The following ITPR2 variants were observed in gnomAD, a reference collection of about 807,000 sequenced individuals.
ITPR2 encodes inositol 1,4,5-trisphosphate-gated calcium channel ITPR2.
Under a neutral mutation model 317.1 loss-of-function variants are expected in ITPR2, and 207 were observed. That is an observed-to-expected ratio of 0.65 (90% CI 0.58 to 0.73). The LOEUF (loss-of-function observed/expected upper bound fraction) is 0.73, where lower values mean the gene tolerates loss of function less well. Ranked by LOEUF, ITPR2 falls within the 30% of genes least tolerant of loss-of-function variation. The pLI is 0.00. For missense variants in ITPR2, 2,613 were observed against 3,284.0 expected (o/e 0.80, Z 4.99); for synonymous variants, 1,156 against 1,149.1 (o/e 1.01, Z -0.12).
chr12:26,661,598 G>A (rs1231335149), intron 15 of ITPR2, among the ~76,000 whole-genome samples: 1 of 152,300 alleles, frequency 6.6e-6, no homozygotes, highest in Non-Finnish European at 1.5e-5. Flanking sequence ...CATGGGACCT[G>A]ATGGGCCTGA....
chr12:26,769,683 T>C (rs12814680), intron 2 of ITPR2, among the ~76,000 whole-genome samples: 1 of 152,056 alleles, frequency 6.6e-6, no homozygotes, highest in African/African-American at 2.4e-5. Context: ...TAATAAATAT[T>C]TATATAATAC....
chr12:26,465,561 G>A (rs1168685684), intron 45 of ITPR2, among the ~76,000 whole-genome samples: 1 of 152,052 alleles, frequency 6.6e-6, no homozygotes, highest in Non-Finnish European at 1.5e-5. Context: ...ATGATCAAAC[G>A]AGGGAGAACA....
At chr12:26,400,042 A>G in intron 53 of ITPR2, 86 bp downstream of exon 53, 2 of 1,399,088 alleles carry the variant, frequency 1.4e-6, no homozygotes, top group Admixed American at 4.6e-5. Flanking sequence ...TATTTTCCTG[A>G]AAACCAAAAC....
chr12:26,812,761 T>C (rs915792962), intron 1 of ITPR2, among the ~76,000 whole-genome samples: 1 of 152,250 alleles, frequency 6.6e-6, no homozygotes, highest in Non-Finnish European at 1.5e-5. Context: ...ATTCAGACGT[T>C]AAATGATGTT....
At position 26,338,877 on chromosome 12, in the gene ITPR2, T is replaced by C. The variant is rs1426459272; in HGVS notation, c.*520A>G. ...AGAAATTGCCCTGTGACAGCTACAG[T>C]TTGGAAGCATTATCATTTCTCTTTT... On this transcript the variant is annotated 3_prime_UTR_variant, in exon 57 of 57. Coordinates refer to ENST00000381340, the MANE Select transcript of ITPR2 (RefSeq NM_002223.4). The C allele has an allele frequency of 1.3e-5, 2 of 152,606 alleles. No homozygotes were observed. Among genetic ancestry groups the C allele is most frequent in the African/African-American group, 4.8e-5 (2 of 41,456 alleles). The allele number at this position is 152,606 out of a possible 1,614,324, so 9.5% of individuals were successfully genotyped here.
intron 55 of ITPR2, among the ~76,000 whole-genome samples, chr12:26,364,472 G>A (rs1165760075): frequency 6.6e-6 from 1 of 152,142 alleles, no homozygotes; most frequent in Admixed American, 6.5e-5. Context: ...TGTTTCCCAA[G>A]GTCACAGAGC....
chr12:26,738,507 C>T (rs1949169553), intron 2 of ITPR2, among the ~76,000 whole-genome samples: 1 of 152,066 alleles, frequency 6.6e-6, no homozygotes, highest in Non-Finnish European at 1.5e-5. Context: ...TCCTTTCCTA[C>T]CTATTCTTTT....
In ITPR2 at chr12:26,618,879, A is replaced by G. The variant is rs147031113; in HGVS notation, c.3462+2244T>C. 2.3e-3 allele frequency among the ~76,000 whole-genome samples: 347 copies of G among 152,346 alleles called. 1 individual carries two copies. The highest frequency in any genetic ancestry group is 8.0e-3 in the African/African-American group (334 of 41,574). ...GGATGAACAATGAAAACATGTACAA[A>G]ATAGGCTAAATAAATATACCTCATA... On this transcript the variant is annotated intron_variant, in intron 26 of 56. Transcript: ENST00000381340.
intron 46 of ITPR2, among the ~76,000 whole-genome samples, chr12:26,440,388 C>T (rs1055419016): frequency 6.6e-6 from 1 of 152,158 alleles, no homozygotes; most frequent in Non-Finnish European, 1.5e-5. Flanking sequence ...GAGATAGTGT[C>T]AGCATGATAA....
In ITPR2 at chr12:26,409,587, T is replaced by C. The variant is rs572894815; in HGVS notation, c.7399+1733A>G. Among the ~76,000 whole-genome samples, 22 of 152,220 alleles carry C rather than the reference T, an allele frequency of 1.4e-4. No individual in the cohort carries two copies. In the Middle Eastern group the frequency reaches 0.01, roughly 71 times the overall value. ...ATCTTAGGCTTACATACAGTTTCCA[T>C]CACATGTTTTTCTTGAAAAAAAAAA... is the stretch of plus-strand genomic sequence containing the variant. On this transcript the variant is annotated intron_variant, in intron 52 of 56. Transcript: ENST00000381340.
At chr12:26,530,368 G>T (rs952533304) in intron 37 of ITPR2, among the ~76,000 whole-genome samples, 4 of 152,202 alleles carry the variant, frequency 2.6e-5, no homozygotes, top group Non-Finnish European at 2.9e-5. Flanking sequence ...ACTCTCTTGT[G>T]TCTGTGTCTG....
At chr12:26,751,892 C>T (rs895559433) in intron 2 of ITPR2, among the ~76,000 whole-genome samples, 2 of 151,678 alleles carry the variant, frequency 1.3e-5, no homozygotes, top group Non-Finnish European at 1.5e-5. Flanking sequence ...GTTTTACAGG[C>T]CCTAAAACCC....
chr12:26,461,466 CT>C lies in ITPR2; in HGVS notation c.6342+13829del, dbSNP rs1358693164. ...CATATTGTCTATGGCTGTTTTTTCT[CT>C]AGAATGGCAGAGTTGAGTATCTGCA... On this transcript the variant is annotated intron_variant, in intron 45 of 56. Coordinates refer to ENST00000381340, the MANE Select transcript of ITPR2 (RefSeq NM_002223.4). Among the ~76,000 whole-genome samples the C allele has an allele frequency of 2.0e-5, 3 of 151,704 alleles. No individual in the cohort carries two copies. The East Asian group carries it at 5.8e-4, about 29-fold the overall frequency.
rs1945365205 is a variant in ITPR2 at position 26,580,090 on chromosome 12, T to C, written c.4446A>G (p.Ser1482=). 6.2e-7 allele frequency: 1 copy of C among 1,611,534 alleles called. No individual in the cohort carries two copies. The highest frequency in any genetic ancestry group is 8.5e-7 in the Non-Finnish European group (1 of 1,177,778). Residue 1482 remains serine (S), a synonymous_variant, in exon 33 of 57, where the codon TCA becomes TCG. Transcript: ENST00000381340. ...AGAAGCCGCTCACAATATTCATTATTGACTCAGTAACACACTTTTCCAAAA... is the reference window on the plus strand; with the variant it reads ...AGAAGCCGCTCACAATATTCATTATCGACTCAGTAACACACTTTTCCAAAA... ...DIFLEKCVTE[S]IMNIVSGFFN...
chr12:26,588,727 A>AG (rs1172682545), intron 32 of ITPR2, among the ~76,000 whole-genome samples: 3 of 152,244 alleles, frequency 2.0e-5, no homozygotes, highest in Non-Finnish European at 4.4e-5. Context: ...TATCAAAAAA[A>AG]TGGCTCAAGT....
chr12:26,819,478 G>C lies in ITPR2; in HGVS notation c.92+13212C>G, dbSNP rs528217057. On this transcript the variant is annotated intron_variant, in intron 1 of 56. Transcript: ENST00000381340. ...TTGAATTTTAAAAAGAAAATTACAAGGTGTCATATGCCCTATTCTATCTTT... is the reference window on the plus strand; with the variant it reads ...TTGAATTTTAAAAAGAAAATTACAACGTGTCATATGCCCTATTCTATCTTT... 2.0e-4 allele frequency among the ~76,000 whole-genome samples: 30 copies of C among 152,224 alleles called. 1 individual carries two copies. The highest frequency in any genetic ancestry group is 6.8e-3 in the Middle Eastern group (2 of 294).
chr12:26,830,777 A>G lies in ITPR2; in HGVS notation c.92+1913T>C, dbSNP rs550327441. On this transcript the variant is annotated intron_variant, in intron 1 of 56. Transcript: ENST00000381340. ...CCTTGTTATTATTTTGTCCACAAATATAACTATGGCTCACCGTCACCAAGG... is the reference window on the plus strand; with the variant it reads ...CCTTGTTATTATTTTGTCCACAAATGTAACTATGGCTCACCGTCACCAAGG... Among the ~76,000 whole-genome samples the G allele has an allele frequency of 7.4e-4, 113 of 152,362 alleles. 1 individual carries two copies. The highest frequency in any genetic ancestry group is 2.5e-3 in the African/African-American group (104 of 41,584).
At chr12:26,652,019 T>A (rs1210930462) in intron 21 of ITPR2, among the ~76,000 whole-genome samples, 2 of 152,218 alleles carry the variant, frequency 1.3e-5, no homozygotes, top group Non-Finnish European at 2.9e-5. Flanking sequence ...TCAAGTCCCT[T>A]CCTTTTAAGT....
At chr12:26,556,162 T>C (rs949022077) in intron 36 of ITPR2, 71 bp downstream of exon 36, 96 of 1,486,820 alleles carry the variant, frequency 6.5e-5, no homozygotes, top group Admixed American at 1.9e-5. Context: ...ATCAGTGAAG[T>C]ATAAAGCGGA....
Sources: allele counts gnomAD v4.1 joint callset (sites outside exome capture counted in the v4.1 genomes callset), GRCh38; gene constraint gnomAD v4.1.1; transcripts MANE v1.5; gene names NCBI Gene and HGNC (gene_info 2026-07-23, HGNC 2026-07-21).